Variants in SMC5 observed in about 807,000 individuals in gnomAD.
SMC5 encodes the protein structural maintenance of chromosomes protein 5.
Under a neutral mutation model 148.3 loss-of-function variants are expected in SMC5, and 88 were observed. That is an observed-to-expected ratio of 0.59 (90% CI 0.50 to 0.71). The LOEUF (loss-of-function observed/expected upper bound fraction) is 0.71. Ranked by LOEUF, SMC5 falls within the 30% of genes least tolerant of loss-of-function variation. The pLI is 0.00. For synonymous variants in SMC5, 421 were observed against 432.8 expected (o/e 0.97, Z 0.34); for missense variants, 1,142 against 1,298.9 (o/e 0.88, Z 1.86).
At chr9:70,281,477 G>C (rs1236803060) in intron 6 of SMC5, among the ~76,000 whole-genome samples, 1 of 152,144 alleles carries the variant, frequency 6.6e-6, no homozygotes, top group African/African-American at 2.4e-5. Flanking sequence ...AGATGTTAAT[G>C]ATCAGAAAAT....
Position 70,347,055 on chromosome 9 carries a change from T to G in SMC5, c.2569-11T>G. On this transcript the variant is annotated splice_polypyrimidine_tract_variant and intron_variant, in intron 19 of 24. Coordinates refer to ENST00000361138, the MANE Select transcript of SMC5 (RefSeq NM_015110.4). ...CATTGTATCTATAATGACGGGCAAT[T>G]TTTTTCTTAGGTTTTCCAAGACCTT... 1 of 1,608,696 alleles carries G rather than the reference T, an allele frequency of 6.2e-7. No individual in the cohort carries two copies. Among genetic ancestry groups the G allele is most frequent in the Non-Finnish European group, 8.5e-7 (1 of 1,176,414 alleles).
At chr9:70,269,916 A>G (rs2034397299) in intron 3 of SMC5, among the ~76,000 whole-genome samples, 1 of 152,334 alleles carries the variant, frequency 6.6e-6, no homozygotes, top group Non-Finnish European at 1.5e-5. Flanking sequence ...TAAGTGTGGG[A>G]TATTTTAAGA....
chr9:70,275,743 T>G (rs560261857), intron 3 of SMC5, among the ~76,000 whole-genome samples: 1 of 152,140 alleles, frequency 6.6e-6, no homozygotes, highest in African/African-American at 2.4e-5. Context: ...TATATTTAGG[T>G]GTGGATTTAT....
intron 6 of SMC5, 129 bp from the exon 7 acceptor site, chr9:70,282,293 C>T: frequency 3.3e-6 from 3 of 914,162 alleles, no homozygotes; most frequent in Non-Finnish European, 4.7e-6. Context: ...GACAAATTTA[C>T]ATTAATAAAC....
chr9:70,303,131 G>A (rs1355169842), intron 10 of SMC5, among the ~76,000 whole-genome samples: 2 of 152,112 alleles, frequency 1.3e-5, no homozygotes, highest in Non-Finnish European at 2.9e-5. Context: ...GGAGGCTGAG[G>A]TGAGAGGATT....
Position 70,278,631 on chromosome 9 carries a change from T to G in SMC5, c.678+6T>G. ...AGAAAGAAAAACAGCTCGAGGTACTTTAAATAGACAACTCATTTGTATTGT... is the reference window on the plus strand; with the variant it reads ...AGAAAGAAAAACAGCTCGAGGTACTGTAAATAGACAACTCATTTGTATTGT... On this transcript the variant is annotated splice_donor_region_variant and intron_variant, in intron 5 of 24. Coordinates refer to ENST00000361138, the MANE Select transcript of SMC5 (RefSeq NM_015110.4). 6.3e-7 allele frequency: 1 copy of G among 1,596,038 alleles called. No homozygotes were observed. The highest frequency in any genetic ancestry group is 8.5e-7 in the Non-Finnish European group (1 of 1,175,388).
chr9:70,278,090 C>G (rs2034644060), intron 4 of SMC5, among the ~76,000 whole-genome samples: 1 of 151,940 alleles, frequency 6.6e-6, no homozygotes, highest in Non-Finnish European at 1.5e-5. Context: ...TTTATTTTAA[C>G]ACTTACCAGC....
At chr9:70,314,865 T>C in intron 12 of SMC5, 29 bp downstream of exon 12, 1 of 1,211,312 alleles carries the variant, frequency 8.3e-7, no homozygotes, top group Non-Finnish European at 1.2e-6. Context: ...AAGATTTATT[T>C]AAATATTGAA....
At chr9:70,324,626 A>G (rs1366563165) in intron 17 of SMC5, among the ~76,000 whole-genome samples, 1 of 152,128 alleles carries the variant, frequency 6.6e-6, no homozygotes, top group African/African-American at 2.4e-5. Flanking sequence ...TCACTATCAA[A>G]CTGTATACCA....
chr9:70,269,631 AT>A (rs1478189221), intron 3 of SMC5, among the ~76,000 whole-genome samples: 3 of 152,154 alleles, frequency 2.0e-5, no homozygotes, highest in Non-Finnish European at 4.4e-5. Flanking sequence ...TAATACATAC[AT>A]TTGATACAAT....
At chr9:70,282,365 GTA>G in intron 6 of SMC5, 55 bp from the exon 7 acceptor site, 1 of 1,471,464 alleles carries the variant, frequency 6.8e-7, no homozygotes. Flanking sequence ...TTGATTTTTA[GTA>G]TATGTGTTAG....
intron 7 of SMC5, among the ~76,000 whole-genome samples, chr9:70,285,877 G>C (rs1055626345): frequency 1.3e-5 from 2 of 152,002 alleles, no homozygotes; most frequent in African/African-American, 4.8e-5. Flanking sequence ...AAGGTTACTT[G>C]GCCTCTTTTG....
chr9:70,317,069 C>T (rs769079435), intron 13 of SMC5, among the ~76,000 whole-genome samples: 3 of 151,842 alleles, frequency 2.0e-5, no homozygotes, highest in Non-Finnish European at 4.4e-5. Flanking sequence ...TACAAGAAAA[C>T]CCAAGTTAGA....
At chr9:70,337,603 G>T (rs537347656) in intron 17 of SMC5, among the ~76,000 whole-genome samples, 1 of 151,948 alleles carries the variant, frequency 6.6e-6, no homozygotes, top group Non-Finnish European at 1.5e-5. Flanking sequence ...CTACAGGCGA[G>T]CGCCGCCACA....
chr9:70,278,449 T>G, intron 4 of SMC5, 42 bp from the exon 5 acceptor site: 2 of 1,584,592 alleles, frequency 1.3e-6, no homozygotes, highest in Non-Finnish European at 1.7e-6. Context: ...AAGATATATG[T>G]AAATGAATGA....
In SMC5 at chr9:70,278,650, G is replaced by C. The variant is rs753820211; in HGVS notation, c.678+25G>C. On this transcript the variant is annotated intron_variant, in intron 5 of 24. Coordinates refer to ENST00000361138, the MANE Select transcript of SMC5 (RefSeq NM_015110.4). The stretch of plus-strand genomic sequence containing the variant: ...GGTACTTTAAATAGACAACTCATTT[G>C]TATTGTTTCTTATTGATTTCTGTAT... 36 of 1,579,886 alleles carry C rather than the reference G, an allele frequency of 2.3e-5. No individual in the cohort carries two copies. The African/African-American group carries it at 3.6e-4, about 16-fold the overall frequency.
chr9:70,262,974 T>C (rs1440168409), intron 1 of SMC5, among the ~76,000 whole-genome samples: 1 of 152,032 alleles, frequency 6.6e-6, no homozygotes, highest in African/African-American at 2.4e-5. Flanking sequence ...AAAAAAAAAT[T>C]GCAGAGGCTT....
chr9:70,344,382 G>T, intron 18 of SMC5, 113 bp downstream of exon 18: 1 of 682,160 alleles, frequency 1.5e-6, no homozygotes, highest in Non-Finnish European at 2.0e-6. Flanking sequence ...TAAAAAATAG[G>T]GAGTTTTTCC....
Position 70,280,837 on chromosome 9 carries a change from T to C in SMC5, c.757T>C (p.Phe253Leu), listed in dbSNP as rs745416787. 1.2e-6 allele frequency: 2 copies of C among 1,613,676 alleles called. No homozygotes were observed. The highest frequency in any genetic ancestry group is 8.5e-7 in the Non-Finnish European group (1 of 1,179,894). The change falls in exon 6 of 25, where the codon TTC becomes CTC. Residue 253 changes from phenylalanine to leucine, a missense_variant. Physicochemically the swap from Phe to Leu is conservative, Grantham distance 22. Transcript: ENST00000361138. Reference sequence around the variant, plus strand: ...AAGATATAAACAAGATGTGGAGAGGTTCTATGAACGGAAGCGACATTTAGA... The same window carrying C: ...AAGATATAAACAAGATGTGGAGAGGCTCTATGAACGGAAGCGACATTTAGA... ...NERYKQDVER[F>L]YERKRHLDLI...
Sources: gnomAD v4.1 joint callset for allele counts (sites outside exome capture counted in the v4.1 genomes callset) on GRCh38, gnomAD v4.1.1 for gene constraint, MANE v1.5 for transcripts, NCBI Gene and HGNC (gene_info 2026-07-23, HGNC 2026-07-21) for gene names.